The following ANKFN1 variants were observed in gnomAD, a reference collection of about 807,000 sequenced individuals.
ANKFN1 encodes ankyrin repeat and fibronectin type-III domain-containing protein 1.
In ANKFN1, 74 loss-of-function variants were observed where a neutral mutation model predicts 108.7. The ratio of observed to expected loss-of-function variants is 0.68; its 90% CI spans 0.56 to 0.83. The LOEUF is 0.83. ANKFN1 is among the 40% of genes least tolerant of loss of function. The pLI, the probability that ANKFN1 is intolerant of heterozygous loss-of-function variation, is 0.00. For synonymous variants in ANKFN1, 547 were observed against 516.2 expected, an observed-to-expected ratio of 1.06 and a Z score of -0.81; for missense variants, 1,505 against 1,382.3, an observed-to-expected ratio of 1.09 and a Z score of -1.41.
chr17:56,236,559 G>T (rs146369762), intron 3 of ANKFN1, among the ~76,000 whole-genome samples: 4 of 152,206 alleles, frequency 2.6e-5, no homozygotes, highest in South Asian at 4.1e-4. Context: ...AAACTTTGCC[G>T]AAGTTGTTTA....
chr17:56,485,020 T>C (rs1012267472), intron 18 of ANKFN1, among the ~76,000 whole-genome samples: 4 of 152,220 alleles, frequency 2.6e-5, no homozygotes, highest in Admixed American at 6.5e-5. Flanking sequence ...CCCACTGTTA[T>C]TTTTCTTCAT....
chr17:56,503,486 C>CATATATATATAT lies in ANKFN1; in HGVS notation c.2644+4420_2644+4431dup, dbSNP rs3052391. ...AATAAATTCACTGAAGCACAAATTT[C>CATATATATATAT]ATATATATATATATATATATATATA... On this transcript the variant is annotated intron_variant, in intron 20 of 20. Coordinates refer to ENST00000682825, the MANE Select transcript of ANKFN1 (RefSeq NM_001370326.1). Among the ~76,000 whole-genome samples, 315 of 81,460 alleles carry CATATATATATAT rather than the reference C, an allele frequency of 3.9e-3. 1 individual carries two copies. The highest frequency in any genetic ancestry group is 9.3e-3 in the African/African-American group (128 of 13,832). The allele number at this position is 81,460 out of a possible 152,430, so 53.4% of individuals were successfully genotyped here.
At chr17:56,290,636 A>T (rs1326732903) in intron 3 of ANKFN1, among the ~76,000 whole-genome samples, 1 of 152,158 alleles carries the variant, frequency 6.6e-6, no homozygotes, top group Non-Finnish European at 1.5e-5. Context: ...CCCAGTGAAG[A>T]GTTGAGTCTA....
intron 18 of ANKFN1, among the ~76,000 whole-genome samples, chr17:56,488,123 A>C (rs907181499): frequency 6.6e-6 from 1 of 152,220 alleles, no homozygotes; most frequent in African/African-American, 2.4e-5. Flanking sequence ...AGATTTTGAC[A>C]GCTCATGGAG....
chr17:56,214,742 T>C (rs1598252518), intron 2 of ANKFN1, among the ~76,000 whole-genome samples: 1 of 152,184 alleles, frequency 6.6e-6, no homozygotes, highest in Admixed American at 6.5e-5. Context: ...TCAGCCCTCA[T>C]TCTCTCAGAC....
intron 4 of ANKFN1, among the ~76,000 whole-genome samples, chr17:56,133,050 C>T (rs1293205212): frequency 2.0e-5 from 3 of 152,120 alleles, no homozygotes; most frequent in Non-Finnish European, 2.9e-5. Context: ...TCTGTTTACA[C>T]GTGAGAGATT....
chr17:56,179,598 G>A (rs560903622), intron 1 of ANKFN1, among the ~76,000 whole-genome samples: 2 of 152,326 alleles, frequency 1.3e-5, no homozygotes, highest in East Asian at 3.9e-4. Flanking sequence ...GAGACCTGAA[G>A]GAGCTGAATG....
At chr17:56,354,072 G>A in intron 6 of ANKFN1, 26 bp downstream of exon 6, 2 of 1,607,484 alleles carry the variant, frequency 1.2e-6, no homozygotes, top group South Asian at 2.2e-5. Context: ...ATAAACACAT[G>A]TACTATTAAA....
At chr17:56,440,193 A>G in intron 8 of ANKFN1, 134 bp from the exon 9 acceptor site, 2 of 461,610 alleles carry the variant, frequency 4.3e-6, no homozygotes, top group South Asian at 4.3e-5. Flanking sequence ...TGATACACCA[A>G]TATAAAGAAA....
At chr17:56,350,730 T>C (rs910820638) in intron 4 of ANKFN1, 36 bp from the exon 5 acceptor site, 4 of 1,404,528 alleles carry the variant, frequency 2.8e-6, no homozygotes, top group East Asian at 2.3e-5. Flanking sequence ...TAATTTGTGG[T>C]GTAAAAGATA....
At chr17:56,442,807 A>G (rs767558173) in intron 9 of ANKFN1, 36 bp from the exon 10 acceptor site, 3 of 1,589,460 alleles carry the variant, frequency 1.9e-6, no homozygotes, top group Non-Finnish European at 2.6e-6. Context: ...AAATGATTAA[A>G]TAAAATGCCT....
chr17:56,095,642 G>A (rs552472562), intron 4 of ANKFN1, among the ~76,000 whole-genome samples: 3 of 152,272 alleles, frequency 2.0e-5, no homozygotes, highest in South Asian at 2.1e-4. Context: ...GAGAGCTAGC[G>A]AAGCTATACA....
At chr17:56,275,765 G>A (rs2043913055) in intron 3 of ANKFN1, among the ~76,000 whole-genome samples, 1 of 152,136 alleles carries the variant, frequency 6.6e-6, no homozygotes, top group African/African-American at 2.4e-5. Context: ...AGGAGAAACT[G>A]TTGAAATGAA....
intron 6 of ANKFN1, among the ~76,000 whole-genome samples, chr17:56,354,946 C>G (rs1040271817): frequency 2.0e-5 from 3 of 152,082 alleles, no homozygotes; most frequent in Admixed American, 2.0e-4. Flanking sequence ...TGGATATATA[C>G]CCAGTAGTGG....
At chr17:56,250,393 A>C (rs1436371680) in intron 3 of ANKFN1, among the ~76,000 whole-genome samples, 1 of 152,246 alleles carries the variant, frequency 6.6e-6, no homozygotes, top group Non-Finnish European at 1.5e-5. Flanking sequence ...CATGTCTGCC[A>C]TAGGCACACT....
At chr17:56,407,502 G>A (rs1598548632) in intron 8 of ANKFN1, among the ~76,000 whole-genome samples, 1 of 152,184 alleles carries the variant, frequency 6.6e-6, no homozygotes, top group South Asian at 2.1e-4. Context: ...TGAAGTGTGT[G>A]CTCATAACAT....
At chr17:56,380,651 A>G (rs2047071027) in intron 8 of ANKFN1, among the ~76,000 whole-genome samples, 1 of 152,250 alleles carries the variant, frequency 6.6e-6, no homozygotes, top group African/African-American at 2.4e-5. Flanking sequence ...CATGGCTCAG[A>G]GGGTCCTACG....
upstream of ANKFN1, among the ~76,000 whole-genome samples, chr17:56,152,875 G>A (rs1908746136): frequency 6.6e-6 from 1 of 152,174 alleles, no homozygotes; most frequent in Non-Finnish European, 1.5e-5. Flanking sequence ...TTAAAGTGCA[G>A]GCCAAATAAA....
chr17:56,186,197 A>G (rs759497593), intron 1 of ANKFN1, among the ~76,000 whole-genome samples: 1 of 152,238 alleles, frequency 6.6e-6, no homozygotes. Context: ...ATGCCCATGT[A>G]GTATACTGAA....
Sources: allele counts gnomAD v4.1 joint callset (sites outside exome capture counted in the v4.1 genomes callset), GRCh38; gene constraint gnomAD v4.1.1; transcripts MANE v1.5; gene names NCBI Gene and HGNC (gene_info 2026-07-23, HGNC 2026-07-21).